The following POU1F1 variants were observed in gnomAD, a reference collection of about 807,000 sequenced individuals.
The protein encoded by POU1F1 is pituitary-specific positive transcription factor 1.
A neutral mutation model predicts 32.3 loss-of-function variants in POU1F1; 23 were observed. The observed-to-expected ratio is 0.71, with a 90% CI of 0.51 to 1.01. POU1F1 has a LOEUF of 1.01. POU1F1 is among the 50% of genes least tolerant of loss of function. POU1F1 has a pLI of 0.00. For missense variants in POU1F1, 323 were observed against 341.6 expected (o/e 0.95, Z 0.43); for synonymous variants, 120 against 115.6 (o/e 1.04, Z -0.25).
At chr3:87,266,678 C>A (rs963432049) in intron 2 of POU1F1, among the ~76,000 whole-genome samples, 4 of 151,644 alleles carry the variant, frequency 2.6e-5, no homozygotes, top group African/African-American at 9.7e-5. Flanking sequence ...GCAATTTTAC[C>A]AACTTTTCTT....
Position 87,260,098 on chromosome 3 carries a change from A to C in POU1F1, c.672T>G (p.Ala224=). 1 of 1,613,548 alleles carries C rather than the reference A, an allele frequency of 6.2e-7. No individual in the cohort carries two copies. The highest frequency in any genetic ancestry group is 8.5e-7 in the Non-Finnish European group (1 of 1,179,728). The change falls in exon 6 of 6, where the codon GCT becomes GCG. Residue 224 remains alanine, a synonymous_variant. Transcript: ENST00000350375. ...AGTGTCTCTCCAGAGCATCTTTAGC[A>C]GCAATGCTGGCGGGGGGTGGACATA... The part of the protein sequence containing the change: ...KRKRRTTISI[A]AKDALERHFG...
chr3:87,260,649 C>G (rs1706491726), intron 5 of POU1F1, among the ~76,000 whole-genome samples: 1 of 152,062 alleles, frequency 6.6e-6, no homozygotes, highest in Non-Finnish European at 1.5e-5. Flanking sequence ...TTTTTAAATA[C>G]TATAGACACC....
At position 87,276,509 on chromosome 3, in the gene POU1F1, CAG is replaced by C. The variant is rs1706831074; in HGVS notation, c.-49_-48del. 5 of 1,599,142 alleles carry C rather than the reference CAG, an allele frequency of 3.1e-6. No individual in the cohort carries two copies. The highest frequency in any genetic ancestry group is 1.7e-5 in the Admixed American group (1 of 58,206). Reference sequence around the variant, plus strand: ...TAAGGAGAACCGCTGCTCCCCAAATCAGAGTTTTATTATATTACTGTCTCAAA... The same window carrying C: ...TAAGGAGAACCGCTGCTCCCCAAATCAGTTTTATTATATTACTGTCTCAAA... On this transcript the variant is annotated 5_prime_UTR_variant, in exon 1 of 6. Coordinates refer to ENST00000350375, the MANE Select transcript of POU1F1 (RefSeq NM_000306.4).
intron 2 of POU1F1, among the ~76,000 whole-genome samples, chr3:87,272,852 GA>G (rs35053756): frequency 0.089 from 13,598 of 152,178 alleles, 783 homozygotes; most frequent in Middle Eastern, 0.12. Flanking sequence ...ATATAATGAT[GA>G]GGGGGGGTGT....
Position 87,262,242 on chromosome 3 carries a change from A to G in POU1F1, c.440-7T>C, listed in dbSNP as rs751174352. ...ACATTTGTCTGGGTGTATCCTGTGA[A>G]GGGACAATAAAGACCATCAGCTCCA... On this transcript the variant is annotated splice_polypyrimidine_tract_variant and splice_region_variant and intron_variant, in intron 3 of 5. Transcript: ENST00000350375. 41 of 1,613,978 alleles carry G rather than the reference A, an allele frequency of 2.5e-5. No homozygotes were observed. Among genetic ancestry groups the G allele is most frequent in the Non-Finnish European group, 3.3e-5 (39 of 1,179,894 alleles).
intron 2 of POU1F1, among the ~76,000 whole-genome samples, chr3:87,272,077 C>T (rs1045646370): frequency 1.3e-5 from 2 of 148,786 alleles, no homozygotes; most frequent in African/African-American, 4.9e-5. Context: ...TATTTGTCTG[C>T]GGTTTTTTTT....
chr3:87,276,341 G>A lies in POU1F1; in HGVS notation c.122C>T (p.Ala41Val), dbSNP rs773597414. Reference protein sequence around the residue: ...AAECLPVSNHATNVMSTATGL... With the variant: ...AAECLPVSNHVTNVMSTATGL... ...AGTACCTGTAGACATCACATTGGTG[G>A]CATGGTTGGAGACTGGTAGACACTC... Residue 41 changes from alanine to valine, a missense_variant, in exon 1 of 6, where the codon GCC (alanine) becomes GTC (valine). Transcript: ENST00000350375. 1.2e-6 allele frequency: 2 copies of A among 1,613,952 alleles called. No individual in the cohort carries two copies. Among genetic ancestry groups the A allele is most frequent in the Non-Finnish European group, 1.7e-6 (2 of 1,179,870 alleles).
chr3:87,266,805 A>T (rs1036428135), intron 2 of POU1F1, among the ~76,000 whole-genome samples: 1 of 152,056 alleles, frequency 6.6e-6, no homozygotes, highest in East Asian at 1.9e-4. Flanking sequence ...AAGAAAATTG[A>T]TGACATTTAT....
At position 87,276,473 on chromosome 3, in the gene POU1F1, G is replaced by T; in HGVS notation, c.-11C>A. The T allele has an allele frequency of 1.2e-6, 2 of 1,613,508 alleles. No individual in the cohort carries two copies. Among genetic ancestry groups the T allele is most frequent in the Non-Finnish European group, 1.7e-6 (2 of 1,179,686 alleles). ...AGCTTGGCAACTCATTCCCACAAGA[G>T]AGTAGAAAAATAAGGAGAACCGCTG... On this transcript the variant is annotated 5_prime_UTR_variant, in exon 1 of 6. Transcript: ENST00000350375.
Position 87,259,918 on chromosome 3 carries a change from A to C in POU1F1, c.852T>G (p.Ser284=). 6.2e-7 allele frequency: 1 copy of C among 1,614,124 alleles called. No homozygotes were observed. The change falls in exon 6 of 6, where the codon TCT becomes TCG. Residue 284 remains serine (S), a synonymous_variant. Coordinates refer to ENST00000350375, the MANE Select transcript of POU1F1 (RefSeq NM_000306.4). ...CTTATCTGCACTCAAGATGTTCCTT[A>C]GAAATAGAAAATAAACTCTGATTCA... ...TSLNQSLFSI[S]KEHLECR
At position 87,259,622 on chromosome 3, in the gene POU1F1, A is replaced by C. The variant is rs1706466683; in HGVS notation, c.*272T>G. On this transcript the variant is annotated 3_prime_UTR_variant, in exon 6 of 6. Transcript: ENST00000350375. ...ATATGTCTGCGTGTGTGTGAGAAAG[A>C]GAGCGGGAGAGACAGAGAGATCATT... 1 of 406,102 alleles carries C rather than the reference A, an allele frequency of 2.5e-6. No homozygotes were observed. Among genetic ancestry groups the C allele is most frequent in the East Asian group, 5.4e-5 (1 of 18,448 alleles). 25.2% of individuals were successfully genotyped at this position (406,102 alleles called of 1,614,324 possible).
intron 4 of POU1F1, 31 bp downstream of exon 4, chr3:87,262,040 C>CA (rs1338144999): frequency 3.7e-6 from 6 of 1,613,070 alleles, no homozygotes; most frequent in Non-Finnish European, 4.2e-6. Context: ...GGTTAAAACA[C>CA]AGCACAGCCT....
At chr3:87,264,656 C>G in intron 2 of POU1F1, 144 bp from the exon 3 acceptor site, 1 of 687,374 alleles carries the variant, frequency 1.5e-6, no homozygotes, top group Non-Finnish European at 2.5e-6. Context: ...ATTCAGTCTT[C>G]CGAAGAAGGA....
intron 1 of POU1F1, among the ~76,000 whole-genome samples, chr3:87,274,845 T>G (rs1241547470): frequency 6.6e-6 from 1 of 151,704 alleles, no homozygotes; most frequent in African/African-American, 2.4e-5. Context: ...TTTTAAGGCT[T>G]AAATAATTTT....
intron 1 of POU1F1, 81 bp downstream of exon 1, chr3:87,276,240 A>T: frequency 6.6e-7 from 1 of 1,510,286 alleles, no homozygotes; most frequent in Non-Finnish European, 9.2e-7. Context: ...ATGCAAAGAG[A>T]TTATTAACTA....
At chr3:87,261,651 C>T (rs546396818) in intron 4 of POU1F1, among the ~76,000 whole-genome samples, 1 of 152,252 alleles carries the variant, frequency 6.6e-6, no homozygotes, top group African/African-American at 2.4e-5. Context: ...AATTTTAGCT[C>T]ATTAAGTTGC....
chr3:87,265,943 T>C (rs1706612430), intron 2 of POU1F1, among the ~76,000 whole-genome samples: 1 of 151,270 alleles, frequency 6.6e-6, no homozygotes, highest in Admixed American at 6.6e-5. Flanking sequence ...ATCATTTTCT[T>C]ATAAATATAA....
At chr3:87,269,206 C>T (rs770051945) in intron 2 of POU1F1, among the ~76,000 whole-genome samples, 1 of 152,136 alleles carries the variant, frequency 6.6e-6, no homozygotes, top group East Asian at 1.9e-4. Context: ...AAATCCTATC[C>T]GTGTACAACT....
chr3:87,276,542 G>C lies in POU1F1; in HGVS notation c.-80C>G. 1 of 1,504,890 alleles carries C rather than the reference G, an allele frequency of 6.6e-7. No homozygotes were observed. 93.2% of individuals were successfully genotyped at this position (1,504,890 alleles called of 1,614,324 possible). ...TATTATATTACTGTCTCAAAGGGCC[G>C]ATTCAATTCTCACTACCTGCATATA... On this transcript the variant is annotated 5_prime_UTR_variant, in exon 1 of 6. It adds an upstream start codon to the 5' untranslated region. Transcript: ENST00000350375.
Sources: gnomAD v4.1 joint callset for allele counts (sites outside exome capture counted in the v4.1 genomes callset) on GRCh38, gnomAD v4.1.1 for gene constraint, MANE v1.5 for transcripts, NCBI Gene and HGNC (gene_info 2026-07-23, HGNC 2026-07-21) for gene names.